The following PRSS56 variants were observed in gnomAD, a reference collection of about 807,000 sequenced individuals.
PRSS56 encodes the protein serine protease 56.
Under a neutral mutation model 66.8 loss-of-function variants are expected in PRSS56, and 55 were observed. That is an observed-to-expected ratio of 0.82 (90% CI 0.66 to 1.03). PRSS56 has a LOEUF of 1.03. Among genes scored for constraint, PRSS56 ranks in the 50% least tolerant of loss-of-function variants. PRSS56 has a pLI of 0.00. For missense variants in PRSS56, 869 were observed against 837.2 expected, an observed-to-expected ratio of 1.04 and a Z score of -0.47; for synonymous variants, 409 against 387.9, an observed-to-expected ratio of 1.05 and a Z score of -0.64.
Position 232,524,340 on chromosome 2 carries a change from G to T in PRSS56, c.1385G>T (p.Arg462Leu). Residue 462 changes from arginine to leucine, a missense_variant, in exon 11 of 13, where the codon CGG becomes CTG. Around this residue, in one of 3 missense-constraint regions of PRSS56, gnomAD observed 551 missense variants for 506.9 expected, o/e 1.09. Transcript: ENST00000617714. ...SRAAGTRFPK[R>L]RPEPRGEANG... ...GCTGCAGGCACTCGGTTCCCGAAGCGGAGGCCGGAGCCGCGCGGAGAAGCC... is the reference window on the plus strand; with the variant it reads ...GCTGCAGGCACTCGGTTCCCGAAGCTGAGGCCGGAGCCGCGCGGAGAAGCC... The T allele has an allele frequency of 3.3e-6, 5 of 1,535,716 alleles. No individual in the cohort carries two copies. The highest frequency in any genetic ancestry group is 1.2e-5 in the South Asian group (1 of 84,042).
At position 232,522,811 on chromosome 2, in the gene PRSS56, C is replaced by A. The variant is rs1691312289; in HGVS notation, c.656C>A (p.Pro219His). 2 of 1,498,048 alleles carry A rather than the reference C, an allele frequency of 1.3e-6. No homozygotes were observed. Among genetic ancestry groups the A allele is most frequent in the East Asian group, 2.5e-5 (1 of 40,228 alleles). 92.8% of individuals were successfully genotyped at this position (1,498,048 alleles called of 1,614,324 possible). The change falls in exon 6 of 13, where the codon CCC becomes CAC. Residue 219 changes from proline (P) to histidine (H), a missense_variant. Physicochemically the swap from Pro to His is moderately conservative, Grantham distance 77. Transcript: ENST00000617714. The stretch of plus-strand genomic sequence containing the variant: ...TGCCTGCCCCAGGAGCCCCAGGAGC[C>A]CCCTGCCGGAACCGCCTGCGCCATC... ...PVCLPQEPQE[P>H]PAGTACAIAG...
In PRSS56 at chr2:232,523,814, GGGACCCCCCCCA is replaced by G; in HGVS notation, c.1059_1070del (p.Asp353_Gln356del). The G allele has an allele frequency of 6.5e-7, 1 of 1,533,798 alleles. No homozygotes were observed. The highest frequency in any genetic ancestry group is 8.7e-7 in the Non-Finnish European group (1 of 1,146,582). On this transcript the variant is annotated inframe_deletion, in exon 9 of 13. Transcript: ENST00000617714. ...CCCAGCTGCAGGGAGCTTCTGGCCTGGGACCCCCCCCAGGAGCTGCAGGCAGACGCCGCCCGG... is the reference window on the plus strand; with the variant it reads ...CCCAGCTGCAGGGAGCTTCTGGCCTGGGAGCTGCAGGCAGACGCCGCCCGG...
At position 232,522,105 on chromosome 2, in the gene PRSS56, G is replaced by A. The variant is rs1212564075; in HGVS notation, c.391G>A (p.Gly131Ser). The A allele has an allele frequency of 6.6e-7, 1 of 1,517,200 alleles. No homozygotes were observed. The allele number at this position is 1,517,200 out of a possible 1,614,324, so 94.0% of individuals were successfully genotyped here. The change falls in exon 4 of 13, where the codon GGC becomes AGC. Residue 131 changes from glycine to serine, a missense_variant. This residue lies in a region of PRSS56 where 315 missense variants were observed against 313.7 expected (regional missense o/e 1.00). Coordinates refer to ENST00000617714, the MANE Select transcript of PRSS56 (RefSeq NM_001195129.2). ...RLQLGGQPLC[G>S]GVLVAASWVL... ...GCAGCTCGGCGGGCAGCCTCTGTGC[G>A]GCGGCGTCCTGGTAGCGGCCTCCTG...
Position 232,523,765 on chromosome 2 carries a change from G to A in PRSS56, c.1013-7G>A. ...GGGTGAGCTGACCCCTGTCCCGCCC[G>A]CAGCAGCCTCCTCCAGCCGCGAGCC... is the stretch of plus-strand genomic sequence containing the variant. On this transcript the variant is annotated splice_polypyrimidine_tract_variant and splice_region_variant and intron_variant, in intron 8 of 12. Transcript: ENST00000617714. The A allele has an allele frequency of 1.3e-6, 2 of 1,533,900 alleles. No individual in the cohort carries two copies. Among genetic ancestry groups the A allele is most frequent in the South Asian group, 1.2e-5 (1 of 83,950 alleles).
At position 232,523,906 on chromosome 2, in the gene PRSS56, C is replaced by T. The variant is rs1691340170; in HGVS notation, c.1147C>T (p.Leu383=). The T allele has an allele frequency of 6.6e-7, 1 of 1,518,976 alleles. No individual in the cohort carries two copies. The highest frequency in any genetic ancestry group is 8.8e-7 in the Non-Finnish European group (1 of 1,138,508). 94.1% of individuals were successfully genotyped at this position (1,518,976 alleles called of 1,614,324 possible). A position where few individuals can be genotyped will look rare whatever the true frequency, so the allele number is the denominator to read the frequency against. The part of the protein sequence containing the change: ...CPGSQGACAR[L]AHQQCLQRRR... ...GGGGTCCCAGGGCGCCTGTGCGCGC[C>T]TGGCGCACCAGCAGTGCCTGCAGCG... Residue 383 remains leucine (L), a synonymous_variant, in exon 9 of 13, where the codon CTG becomes TTG. Transcript: ENST00000617714.
Position 232,523,176 on chromosome 2 carries a change from C to T in PRSS56, c.823C>T (p.Leu275=), listed in dbSNP as rs767106621. Residue 275 remains leucine, a synonymous_variant, in exon 7 of 13, where the codon CTG becomes TTG. Transcript: ENST00000617714. ...RPSTMLCAGY[L]AGGVDSCQGD... is the part of the protein sequence containing the mutation. ...CAGCACCATGCTCTGCGCCGGGTAC[C>T]TGGCGGGGGGCGTTGACTCGTGCCA... is the stretch of plus-strand genomic sequence containing the variant. 38 of 1,489,014 alleles carry T rather than the reference C, an allele frequency of 2.6e-5. No homozygotes were observed. Among genetic ancestry groups the T allele is most frequent in the Non-Finnish European group, 3.3e-5 (37 of 1,123,206 alleles). 92.2% of individuals were successfully genotyped at this position (1,489,014 alleles called of 1,614,324 possible).
rs1559289721 is a variant in PRSS56, at chr2:232,523,452, G to C, written c.886G>C (p.Gly296Arg). 2 of 1,502,064 alleles carry C rather than the reference G, an allele frequency of 1.3e-6. No individual in the cohort carries two copies. Among genetic ancestry groups the C allele is most frequent in the East Asian group, 4.9e-5 (2 of 40,562 alleles). 93.0% of individuals were successfully genotyped at this position (1,502,064 alleles called of 1,614,324 possible). A position where few individuals can be genotyped will look rare whatever the true frequency, so the allele number is the denominator to read the frequency against. Residue 296 changes from glycine to arginine, a missense_variant, in exon 8 of 13, where the codon GGC becomes CGC. Gly to Arg is a moderately radical substitution (Grantham distance 125). Transcript: ENST00000617714. ...AGGCCCCCTGACCTGTTCTGAGCCTGGCCCCCGCCCTAGAGAGGTCCTGTT... is the reference window on the plus strand; with the variant it reads ...AGGCCCCCTGACCTGTTCTGAGCCTCGCCCCCGCCCTAGAGAGGTCCTGTT... ...SGGPLTCSEP[G>R]PRPREVLFGV...
At chr2:232,522,368 C>G in intron 4 of PRSS56, 147 bp from the exon 5 acceptor site, 3 of 827,800 alleles carry the variant, frequency 3.6e-6, no homozygotes, top group Non-Finnish European at 5.2e-6. Context: ...CGAGTTCGCC[C>G]CCTCTGGGAC....
At position 232,521,966 on chromosome 2, in the gene PRSS56, T is replaced by C. The variant is rs1307561240; in HGVS notation, c.257-5T>C. On this transcript the variant is annotated splice_polypyrimidine_tract_variant and splice_region_variant and intron_variant, in intron 3 of 12. Transcript: ENST00000617714. ...TCCCTCGTGACACCCCTTGCCCCTT[T>C]CTAGGGCCGTGCGGCGAGAGGCGTC... 6.8e-7 allele frequency: 1 copy of C among 1,478,626 alleles called. No homozygotes were observed. The highest frequency in any genetic ancestry group is 1.4e-5 in the African/African-American group (1 of 70,832). 91.6% of individuals were successfully genotyped at this position (1,478,626 alleles called of 1,614,324 possible).
rs750472959 is a variant in PRSS56 at position 232,522,072 on chromosome 2, G to C, written c.358G>C (p.Val120Leu). The C allele has an allele frequency of 5.3e-6, 8 of 1,516,388 alleles. 1 individual carries two copies. The South Asian group carries it at 9.7e-5, about 18-fold the overall frequency. The allele number at this position is 1,516,388 out of a possible 1,614,324, so 93.9% of individuals were successfully genotyped here. A position where few individuals can be genotyped will look rare whatever the true frequency, so the allele number is the denominator to read the frequency against. Reference sequence around the variant, plus strand: ...GCCGCCCGGGGCCTGGCCCTGGCTGGTGAGGCTGCAGCTCGGCGGGCAGCC... The same window carrying C: ...GCCGCCCGGGGCCTGGCCCTGGCTGCTGAGGCTGCAGCTCGGCGGGCAGCC... ...AAPPGAWPWL[V>L]RLQLGGQPLC... The change falls in exon 4 of 13, where the codon GTG (valine) becomes CTG (leucine). Residue 120 changes from valine to leucine, a missense_variant. Physicochemically the swap from Val to Leu is conservative, Grantham distance 32. Coordinates refer to ENST00000617714, the MANE Select transcript of PRSS56 (RefSeq NM_001195129.2).
chr2:232,524,249 C>A (rs1322093844), intron 10 of PRSS56, 46 bp downstream of exon 10: 10 of 1,534,612 alleles, frequency 6.5e-6, no homozygotes, highest in South Asian at 1.2e-5. Flanking sequence ...CCGGCCCCAC[C>A]CGCGCGGCAC....
At chr2:232,522,379 G>C (rs888361548) in intron 4 of PRSS56, 136 bp from the exon 5 acceptor site, 110 of 888,070 alleles carry the variant, frequency 1.2e-4, no homozygotes, top group Non-Finnish European at 1.7e-4. Context: ...CCTCTGGGAC[G>C]GGACCCCTCC....
At chr2:232,520,732 A>C (rs950459640) in intron 1 of PRSS56, 37 bp downstream of exon 1, 285 of 1,372,506 alleles carry the variant, frequency 2.1e-4, no homozygotes, top group Non-Finnish European at 2.1e-4. Flanking sequence ...CGGGGTTGGG[A>C]GGAATGTAGA....
intron 7 of PRSS56, 81 bp downstream of exon 7, chr2:232,523,283 G>A (rs1691325572): frequency 2.8e-6 from 4 of 1,421,482 alleles, no homozygotes; most frequent in East Asian, 5.2e-5. Context: ...ACGTCTGTCT[G>A]TCACTCGACT....
rs1292061728 is a variant in PRSS56, at chr2:232,524,366, A to C, written c.1411A>C (p.Asn471His). Residue 471 changes from asparagine (N) to histidine (H), a missense_variant, in exon 11 of 13, where the codon AAC becomes CAC. Physicochemically the swap from Asn to His is moderately conservative, Grantham distance 68 (BLOSUM62 1). Around this residue, in one of 3 missense-constraint regions of PRSS56, gnomAD observed 551 missense variants for 506.9 expected, o/e 1.09. Transcript: ENST00000617714. ...GAGGCCGGAGCCGCGCGGAGAAGCC[A>C]ACGGTAATGACGCCCCCTGCCGACC... is the stretch of plus-strand genomic sequence containing the variant. ...KRRPEPRGEA[N>H]GCPGLEPLRQ... is the part of the protein sequence containing the mutation. The C allele has an allele frequency of 6.5e-7, 1 of 1,535,070 alleles. No individual in the cohort carries two copies. Among genetic ancestry groups the C allele is most frequent in the African/African-American group, 1.4e-5 (1 of 73,014 alleles).
At position 232,525,410 on chromosome 2, in the gene PRSS56, C is replaced by T. The variant is rs944523747; in HGVS notation, c.1716C>T (p.Pro572=). ...FRVAALAEGE[P]EGPWMDVGQG... ...TGGCTGCCCTGGCAGAAGGGGAGCC[C>T]GAGGGACCCTGGATGGATGTAGGGC... Residue 572 remains proline (P), a synonymous_variant, in exon 13 of 13, where the codon CCC becomes CCT. Transcript: ENST00000617714. 41 of 1,533,986 alleles carry T rather than the reference C, an allele frequency of 2.7e-5. No individual in the cohort carries two copies. The highest frequency in any genetic ancestry group is 4.1e-5 in the African/African-American group (3 of 72,972).
At position 232,522,763 on chromosome 2, in the gene PRSS56, C is replaced by T. The variant is rs551203409; in HGVS notation, c.608C>T (p.Pro203Leu). Reference sequence around the variant, plus strand: ...GTGCAGCTGTGGACGCCGGTGAGCCCGGGGGGATCGGCGCGCCCCGTGTGC... The same window carrying T: ...GTGCAGCTGTGGACGCCGGTGAGCCTGGGGGGATCGGCGCGCCCCGTGTGC... ...ALVQLWTPVS[P>L]GGSARPVCLP... The change falls in exon 6 of 13, where the codon CCG (proline) becomes CTG (leucine). Residue 203 changes from proline (P) to leucine (L), a missense_variant. Physicochemically the swap from Pro to Leu is moderately conservative, Grantham distance 98 (BLOSUM62 -3). This residue lies in a region of PRSS56 where 315 missense variants were observed against 313.7 expected (regional missense o/e 1.00). Coordinates refer to ENST00000617714, the MANE Select transcript of PRSS56 (RefSeq NM_001195129.2). 1.3e-6 allele frequency: 2 copies of T among 1,527,846 alleles called. No individual in the cohort carries two copies. Among genetic ancestry groups the T allele is most frequent in the East Asian group, 2.5e-5 (1 of 40,632 alleles). The allele number at this position is 1,527,846 out of a possible 1,614,324, so 94.6% of individuals were successfully genotyped here.
At chr2:232,523,356 G>A (rs1691327382) in intron 7 of PRSS56, 60 bp from the exon 8 acceptor site, 8 of 1,425,788 alleles carry the variant, frequency 5.6e-6, no homozygotes, top group Admixed American at 5.9e-5. Flanking sequence ...CACCTGCCAG[G>A]CGTAAGGCAG....
Position 232,522,713 on chromosome 2 carries a change from G to A in PRSS56, c.558G>A (p.Arg186=), listed in dbSNP as rs1275644096. The change falls in exon 6 of 13, where the codon CGG becomes CGA. Residue 186 remains arginine (R), a synonymous_variant. Coordinates refer to ENST00000617714, the MANE Select transcript of PRSS56 (RefSeq NM_001195129.2). ...CTCCCCCTCCTCAGTTTGACCCGCGGACCTTCCACAACGACCTGGCCCTGG... is the reference window on the plus strand; with the variant it reads ...CTCCCCCTCCTCAGTTTGACCCGCGAACCTTCCACAACGACCTGGCCCTGG... ...RILPHPKFDP[R]TFHNDLALVQ... 2 of 1,534,510 alleles carry A rather than the reference G, an allele frequency of 1.3e-6. No individual in the cohort carries two copies. The highest frequency in any genetic ancestry group is 4.9e-5 in the East Asian group (2 of 40,826).
Sources: gnomAD v4.1 joint callset for allele counts on GRCh38, gnomAD v4.1.1 for gene constraint, gnomAD v4.1.1 regional missense constraint, MANE v1.5 for transcripts, NCBI Gene and HGNC (gene_info 2026-07-23, HGNC 2026-07-21) for gene names.